MIGA2: variants seen among roughly 807,000 people sequenced by gnomAD.
The protein encoded by MIGA2 is family with sequence similarity 73, member B.
A neutral mutation model predicts 69.9 loss-of-function variants in MIGA2; 36 were observed. The ratio of observed to expected loss-of-function variants is 0.52; its 90% CI spans 0.39 to 0.68. MIGA2 has a LOEUF of 0.68. MIGA2 is among the 30% of genes least tolerant of loss of function. The pLI, the probability that MIGA2 is intolerant of heterozygous loss-of-function variation, is 0.00. For missense variants in MIGA2, 660 were observed against 787.7 expected, an observed-to-expected ratio of 0.84 and a Z score of 1.94; for synonymous variants, 333 against 349.2, an observed-to-expected ratio of 0.95 and a Z score of 0.52.
chr9:129,061,477 G>A lies in MIGA2; in HGVS notation c.1010+131G>A, dbSNP rs903625909. 2.0e-5 allele frequency: 15 copies of A among 767,900 alleles called. No individual in the cohort carries two copies. Among genetic ancestry groups the A allele is most frequent in the Non-Finnish European group, 2.5e-5 (12 of 475,578 alleles). The allele number at this position is 767,900 out of a possible 1,614,324, so 47.6% of individuals were successfully genotyped here. A position where few individuals can be genotyped will look rare whatever the true frequency, so the allele number is the denominator to read the frequency against. On this transcript the variant is annotated intron_variant, in intron 9 of 15. Transcript: ENST00000684074. This position sits in a 1 kb window ranked among gnomAD's most constrained non-coding sequence, Gnocchi z 5.0. ...AGTGAGTCCAGGCTGCCTGAGGGCC[G>A]TGGTGAGCTGGTGACAGCTCCTCCC...
rs1846036277 is a variant in MIGA2, at chr9:129,060,889, T to C, written c.894+239T>C. ...CGAAGGGCTCCAGCCCGTGCTGGCC[T>C]TTCCCTTCTCCAGACCGCTGTGCCC... On this transcript the variant is annotated intron_variant, in intron 8 of 15. Transcript: ENST00000684074. This position sits in a 1 kb window ranked among gnomAD's most constrained non-coding sequence, Gnocchi z 4.8. 6.6e-6 allele frequency among the ~76,000 whole-genome samples: 1 copy of C among 152,254 alleles called. No homozygotes were observed. Among genetic ancestry groups the C allele is most frequent in the African/African-American group, 2.4e-5 (1 of 41,472 alleles).
intron 11 of MIGA2, among the ~76,000 whole-genome samples, chr9:129,064,850 T>TCCGCTCA (rs1343084573): frequency 1.3e-5 from 2 of 151,472 alleles, no homozygotes; most frequent in African/African-American, 2.4e-5. Context: ...TGTCACGATC[T>TCCGCTCA]CCGCTCACCG....
chr9:129,067,115 G>C (rs1433000934), intron 11 of MIGA2, among the ~76,000 whole-genome samples: 1 of 131,618 alleles, frequency 7.6e-6, no homozygotes, highest in Non-Finnish European at 1.5e-5. Flanking sequence ...CAGCCTAGGT[G>C]ACAGAGCGAG....
Position 129,042,462 on chromosome 9 carries a change from C to T in MIGA2, c.255C>T (p.Gly85=). The T allele has an allele frequency of 6.2e-7, 1 of 1,605,932 alleles. No homozygotes were observed. Among genetic ancestry groups the T allele is most frequent in the Non-Finnish European group, 8.5e-7 (1 of 1,176,788 alleles). ...VGPEMGGEQL[G]TVPLPILLAR... ...CCGAGATGGGAGGGGAGCAGCTGGG[C>T]ACGGTGCCCCTCCCTATCCTCTTGG... is the stretch of plus-strand genomic sequence containing the variant. The change falls in exon 3 of 16, where the codon GGC becomes GGT. Residue 85 remains glycine (G), a synonymous_variant. Coordinates refer to ENST00000684074, the MANE Select transcript of MIGA2 (RefSeq NM_001329990.2).
At chr9:129,048,336 G>T in intron 3 of MIGA2, 91 bp from the exon 4 acceptor site, 1 of 1,073,764 alleles carries the variant, frequency 9.3e-7, no homozygotes, top group East Asian at 2.4e-5. Context: ...TCCCAGATGA[G>T]GAAGAAGGGG....
intron 5 of MIGA2, 113 bp from the exon 6 acceptor site, chr9:129,049,714 T>A: frequency 6.5e-7 from 1 of 1,540,666 alleles, no homozygotes; most frequent in Non-Finnish European, 8.9e-7. Flanking sequence ...GGCCACACGG[T>A]CCCACCCAGT....
chr9:129,059,875 C>T lies in MIGA2; in HGVS notation c.793+604C>T, dbSNP rs1845972917. On this transcript the variant is annotated intron_variant, in intron 7 of 15. Transcript: ENST00000684074. This position sits in a 1 kb window ranked among gnomAD's most constrained non-coding sequence, Gnocchi z 5.6. ...TGGCTCTGCCAGTGGAGACACAGAA[C>T]CGGAGTGGGTCGGCCGAGCCACGCA... 6.6e-6 allele frequency among the ~76,000 whole-genome samples: 1 copy of T among 152,164 alleles called. No individual in the cohort carries two copies. The highest frequency in any genetic ancestry group is 2.4e-5 in the African/African-American group (1 of 41,442).
chr9:129,040,673 T>C lies in MIGA2; in HGVS notation c.79T>C (p.Tyr27His), dbSNP rs547099120. The change falls in exon 2 of 16, where the codon TAC (tyrosine) becomes CAC (histidine). Residue 27 changes from tyrosine to histidine, a missense_variant. Physicochemically the swap from Tyr to His is moderately conservative, Grantham distance 83 (BLOSUM62 2). Around this residue, in one of 3 missense-constraint regions of MIGA2, gnomAD observed 54 missense variants for 84.0 expected, o/e 0.64. Transcript: ENST00000684074. Reference protein sequence around the residue: ...MTVAEIPVFLYTTFGQSAFSQ... With the variant: ...MTVAEIPVFLHTTFGQSAFSQ... The stretch of plus-strand genomic sequence containing the variant: ...GGTGGCCGAGATCCCCGTGTTCCTG[T>C]ACACGACGTTTGGGCAGGTAAGGAT... 5.3e-5 allele frequency: 85 copies of C among 1,613,756 alleles called. No homozygotes were observed. In the South Asian group the frequency reaches 9.1e-4, roughly 17 times the overall value.
chr9:129,066,524 A>C (rs894828914), intron 11 of MIGA2, among the ~76,000 whole-genome samples: 9 of 151,126 alleles, frequency 6.0e-5, no homozygotes, highest in Admixed American at 4.0e-4. Flanking sequence ...AATACAAAAA[A>C]TTAGCTGGGC....
chr9:129,037,309 G>C (rs1844646006), intron 1 of MIGA2, among the ~76,000 whole-genome samples: 1 of 152,122 alleles, frequency 6.6e-6, no homozygotes, highest in South Asian at 2.1e-4. Flanking sequence ...CGCGTAGGAT[G>C]ATATGCTTAG....
rs200508456 is a variant in MIGA2 at position 129,051,280 on chromosome 9, A to AT, written c.675+1320dup. Reference sequence around the variant, plus strand: ...TATTTATTTATTTATTTATTTATTTATTTATTTTTTTTTTTGGAGACGGAG... The same window carrying AT: ...TATTTATTTATTTATTTATTTATTTATTTTATTTTTTTTTTTGGAGACGGAG... On this transcript the variant is annotated intron_variant, in intron 6 of 15. Transcript: ENST00000684074. 486 of 174,704 alleles carry AT rather than the reference A, an allele frequency of 2.8e-3. 7 individuals are homozygous for AT. Among genetic ancestry groups the AT allele is most frequent in the African/African-American group, 0.011 (427 of 37,194 alleles). 10.8% of individuals were successfully genotyped at this position (174,704 alleles called of 1,614,324 possible). A position where few individuals can be genotyped will look rare whatever the true frequency, so the allele number is the denominator to read the frequency against.
At chr9:129,040,739 C>G in intron 2 of MIGA2, 49 bp downstream of exon 2, 2 of 1,546,686 alleles carry the variant, frequency 1.3e-6, no homozygotes, top group South Asian at 2.3e-5. Flanking sequence ...CACTTCCATG[C>G]TCAGCCAAGG....
Position 129,052,345 on chromosome 9 carries a change from A to G in MIGA2, c.675+2382A>G, listed in dbSNP as rs778170981. ...ACCATGTTGGCCAGGGTGGTCTCGA[A>G]CTCCTAACTTCAAGTGATCCACCCG... On this transcript the variant is annotated intron_variant, in intron 6 of 15. Coordinates refer to ENST00000684074, the MANE Select transcript of MIGA2 (RefSeq NM_001329990.2). Among the ~76,000 whole-genome samples the G allele has an allele frequency of 9.0e-4, 117 of 129,390 alleles. 1 individual carries two copies. Among genetic ancestry groups the G allele is most frequent in the Non-Finnish European group, 5.0e-4 (31 of 61,952 alleles). The allele number at this position is 129,390 out of a possible 152,430, so 84.9% of individuals were successfully genotyped here.
intron 11 of MIGA2, among the ~76,000 whole-genome samples, chr9:129,064,443 G>C (rs1014800252): frequency 6.6e-6 from 1 of 151,014 alleles, no homozygotes; most frequent in Non-Finnish European, 1.5e-5. Context: ...TCCTGACCTC[G>C]TGATCCGCCC....
intron 3 of MIGA2, among the ~76,000 whole-genome samples, chr9:129,045,893 C>T (rs1365860604): frequency 8.2e-5 from 12 of 146,012 alleles, no homozygotes; most frequent in South Asian, 2.2e-4. Flanking sequence ...CTTGCTCTGT[C>T]GCCAGGCTGG....
chr9:129,052,948 A>C (rs1845624439), intron 6 of MIGA2, among the ~76,000 whole-genome samples: 1 of 152,198 alleles, frequency 6.6e-6, no homozygotes. Context: ...GGGGGACTCA[A>C]GGGAGGTAGC....
chr9:129,060,533 C>G lies in MIGA2; in HGVS notation c.794-17C>G, dbSNP rs1257657213. The G allele has an allele frequency of 6.4e-7, 1 of 1,573,880 alleles. No individual in the cohort carries two copies. Among genetic ancestry groups the G allele is most frequent in the Non-Finnish European group, 8.6e-7 (1 of 1,158,104 alleles). ...GTGGGGAGTCTCAGCCCCGCTTTCT[C>G]TCACTGCTCTTCCCAGAGAGGACCC... On this transcript the variant is annotated splice_polypyrimidine_tract_variant and intron_variant, in intron 7 of 15. Transcript: ENST00000684074. This position sits in a 1 kb window ranked among gnomAD's most constrained non-coding sequence, Gnocchi z 4.8.
chr9:129,068,163 C>T lies in MIGA2; in HGVS notation c.1270-35C>T. ...GTGGCCCCGAGGCTCCGGCAGTGCC[C>T]CCATGCATGAGCCTCCCGGGGGCAC... On this transcript the variant is annotated intron_variant, in intron 12 of 15. Coordinates refer to ENST00000684074, the MANE Select transcript of MIGA2 (RefSeq NM_001329990.2). This position sits in a 1 kb window ranked among gnomAD's most constrained non-coding sequence, Gnocchi z 4.1. 1 of 1,613,422 alleles carries T rather than the reference C, an allele frequency of 6.2e-7. No individual in the cohort carries two copies. Among genetic ancestry groups the T allele is most frequent in the Non-Finnish European group, 8.5e-7 (1 of 1,179,962 alleles).
At position 129,071,002 on chromosome 9, in the gene MIGA2, G is replaced by C. The variant is rs929383361; in HGVS notation, c.*549G>C. 1 of 153,916 alleles carries C rather than the reference G, an allele frequency of 6.5e-6. No homozygotes were observed. The highest frequency in any genetic ancestry group is 2.0e-4 in the South Asian group (1 of 4,894). The allele number at this position is 153,916 out of a possible 1,614,324, so 9.5% of individuals were successfully genotyped here. ...GCCATCCAGAGATGGGGCAGAGGTG[G>C]GCCTCCCACTCCTGTGCTCTCTTCT... On this transcript the variant is annotated 3_prime_UTR_variant, in exon 16 of 16. Transcript: ENST00000684074.
Sources: allele counts gnomAD v4.1 joint callset (sites outside exome capture counted in the v4.1 genomes callset), GRCh38; gene constraint gnomAD v4.1.1; regional missense constraint gnomAD v4.1.1; non-coding constraint Gnocchi (gnomAD v3.1); transcripts MANE v1.5; gene names NCBI Gene and HGNC (gene_info 2026-07-23, HGNC 2026-07-21).